The following ADGB variants were observed in gnomAD, a reference collection of about 807,000 sequenced individuals.
The protein encoded by ADGB is calpain-7-like protein.
A neutral mutation model predicts 210.5 loss-of-function variants in ADGB; 172 were observed. The observed-to-expected ratio is 0.82, with a 90% CI of 0.72 to 0.93. The LOEUF (loss-of-function observed/expected upper bound fraction) is 0.93, where lower values mean the gene tolerates loss of function less well. Ranked by LOEUF, ADGB falls within the 40% of genes least tolerant of loss-of-function variation. The pLI is 0.00. For synonymous variants in ADGB, 658 were observed against 662.7 expected, an observed-to-expected ratio of 0.99 and a Z score of 0.11; for missense variants, 2,025 against 1,964.8, an observed-to-expected ratio of 1.03 and a Z score of -0.58.
At chr6:146,638,157 T>A (rs1309741054) in intron 2 of ADGB, among the ~76,000 whole-genome samples, 1 of 152,004 alleles carries the variant, frequency 6.6e-6, no homozygotes, top group East Asian at 1.9e-4. Context: ...TCTCAATAGA[T>A]GCAGAAAGGA....
At chr6:146,617,901 ATTTGTGTATAACT>A (rs780712885) in intron 1 of ADGB, among the ~76,000 whole-genome samples, 13 of 152,026 alleles carry the variant, frequency 8.6e-5, no homozygotes, top group Non-Finnish European at 1.2e-4. Flanking sequence ...CACAGTAGAA[ATTTGTGTATAACT>A]TTTGAATCCC....
At chr6:146,720,327 T>C (rs1238225926) in intron 16 of ADGB, among the ~76,000 whole-genome samples, 1 of 152,136 alleles carries the variant, frequency 6.6e-6, no homozygotes, top group Non-Finnish European at 1.5e-5. Flanking sequence ...TAGATATACA[T>C]TAATGTATCT....
chr6:146,781,473 A>T (rs771269806), intron 29 of ADGB, among the ~76,000 whole-genome samples: 11 of 110,156 alleles, frequency 1.0e-4, no homozygotes, highest in Non-Finnish European at 1.5e-4. Flanking sequence ...GAAATGAATT[A>T]AAAAAAAAAA....
chr6:146,662,267 C>G (rs1393187517), intron 5 of ADGB, among the ~76,000 whole-genome samples: 1 of 152,048 alleles, frequency 6.6e-6, no homozygotes, highest in Admixed American at 6.6e-5. Flanking sequence ...GCAACAATGA[C>G]ATGAATATTA....
In ADGB at chr6:146,685,807, G is replaced by A. The variant is rs777692916; in HGVS notation, c.1290G>A (p.Lys430=). 1.3e-6 allele frequency: 2 copies of A among 1,536,234 alleles called. No homozygotes were observed. The highest frequency in any genetic ancestry group is 1.8e-6 in the Non-Finnish European group (2 of 1,139,468). The change falls in exon 10 of 36, where the codon AAG becomes AAA. Residue 430 remains lysine, a synonymous_variant. Coordinates refer to ENST00000397944, the MANE Select transcript of ADGB (RefSeq NM_024694.4). ...TFTPLYLFEN[K]IFSLEKMADS... ...CACCTCTTTATTTGTTTGAAAACAAGATCTTTTCATTAGAGAAGATGGTAA... is the reference window on the plus strand; with the variant it reads ...CACCTCTTTATTTGTTTGAAAACAAAATCTTTTCATTAGAGAAGATGGTAA...
At chr6:146,717,709 A>G (rs548197298) in intron 16 of ADGB, 110 bp downstream of exon 16, 5 of 538,234 alleles carry the variant, frequency 9.3e-6, no homozygotes, top group Admixed American at 8.8e-5. Context: ...ACATAGTTAT[A>G]TTTTTAAAAA....
At chr6:146,625,309 T>C (rs1174186897) in intron 1 of ADGB, among the ~76,000 whole-genome samples, 1 of 152,144 alleles carries the variant, frequency 6.6e-6, no homozygotes, top group African/African-American at 2.4e-5. Context: ...TTTTTGTTAT[T>C]ATGAAATCAC....
chr6:146,717,463 A>T, intron 15 of ADGB, 73 bp from the exon 16 acceptor site: 1 of 808,238 alleles, frequency 1.2e-6, no homozygotes. Flanking sequence ...TAATTTGATT[A>T]TAAGAAACTT....
intron 10 of ADGB, among the ~76,000 whole-genome samples, chr6:146,688,869 CA>C (rs1399905220): frequency 6.6e-6 from 1 of 151,878 alleles, no homozygotes; most frequent in Non-Finnish European, 1.5e-5. Context: ...GTTACAGCCT[CA>C]AAGACAGTAA....
chr6:146,650,597 C>CA (rs57913607), intron 3 of ADGB, among the ~76,000 whole-genome samples: 1,443 of 36,566 alleles, frequency 0.039, 313 homozygotes, highest in Non-Finnish European at 0.05. Flanking sequence ...TCCCTCCCAC[C>CA]AAAAAAAAAA....
chr6:146,662,077 T>C (rs907980617), intron 5 of ADGB, among the ~76,000 whole-genome samples: 2 of 152,164 alleles, frequency 1.3e-5, no homozygotes, highest in Non-Finnish European at 2.9e-5. Context: ...TCTTAACTTT[T>C]AAGAAGTTGG....
At chr6:146,612,592 T>C (rs867072275) in intron 1 of ADGB, among the ~76,000 whole-genome samples, 1 of 152,318 alleles carries the variant, frequency 6.6e-6, no homozygotes, top group Non-Finnish European at 1.5e-5. Context: ...GAGGCCCTTT[T>C]AAACTCTAGG....
intron 5 of ADGB, 101 bp from the exon 6 acceptor site, chr6:146,664,100 T>C: frequency 1.7e-6 from 2 of 1,181,582 alleles, no homozygotes; most frequent in South Asian, 1.7e-5. Flanking sequence ...TAAAATAAAA[T>C]TGGAAAACGG....
In ADGB at chr6:146,608,351, G is replaced by A. The variant is rs1043363551; in HGVS notation, c.74+9237G>A. Among the ~76,000 whole-genome samples, 3 of 151,640 alleles carry A rather than the reference G, an allele frequency of 2.0e-5. No individual in the cohort carries two copies. The East Asian group carries it at 5.8e-4, about 29-fold the overall frequency. On this transcript the variant is annotated intron_variant, in intron 1 of 35. Transcript: ENST00000397944. ...TTTTGGTTTTGTTGATCTCTTGTAT[G>A]GTTTTTTGTGTTTCCATTTGTTTCA... is the stretch of plus-strand genomic sequence containing the variant.
intron 5 of ADGB, among the ~76,000 whole-genome samples, chr6:146,659,012 G>A (rs950655531): frequency 2.0e-5 from 3 of 152,296 alleles, no homozygotes; most frequent in Non-Finnish European, 2.9e-5. Flanking sequence ...GCTTAGGGCA[G>A]AAATTTTTAT....
chr6:146,614,195 C>CCTCCCTT (rs1780753010), intron 1 of ADGB, among the ~76,000 whole-genome samples: 2 of 109,374 alleles, frequency 1.8e-5, no homozygotes, highest in Non-Finnish European at 3.7e-5. Flanking sequence ...CTCCCTCCCT[C>CCTCCCTT]CCTCCCTTCC....
intron 27 of ADGB, among the ~76,000 whole-genome samples, chr6:146,763,247 T>G (rs1213832437): frequency 6.6e-6 from 1 of 152,176 alleles, no homozygotes; most frequent in African/African-American, 2.4e-5. Context: ...AATAGTTGCT[T>G]TATACGTTTT....
chr6:146,603,276 A>G (rs1035162155), intron 1 of ADGB, among the ~76,000 whole-genome samples: 3 of 152,228 alleles, frequency 2.0e-5, no homozygotes, highest in Non-Finnish European at 4.4e-5. Flanking sequence ...AGATTCATTC[A>G]CCAATTAGAT....
intron 29 of ADGB, among the ~76,000 whole-genome samples, chr6:146,770,950 C>T (rs1264838933): frequency 1.3e-5 from 2 of 152,054 alleles, no homozygotes; most frequent in Non-Finnish European, 2.9e-5. Context: ...CTACTTCAAC[C>T]TCCCCTCCTA....
Sources: allele counts gnomAD v4.1 joint callset (sites outside exome capture counted in the v4.1 genomes callset), GRCh38; gene constraint gnomAD v4.1.1; transcripts MANE v1.5; gene names NCBI Gene and HGNC (gene_info 2026-07-23, HGNC 2026-07-21).